The following PDE6C variants were observed in gnomAD, a reference collection of about 807,000 sequenced individuals.
PDE6C encodes phosphodiesterase 6C.
In PDE6C, 75 loss-of-function variants were observed where a neutral mutation model predicts 113.1. The observed-to-expected ratio is 0.66, with a 90% CI of 0.55 to 0.80. The LOEUF (loss-of-function observed/expected upper bound fraction) is 0.80. PDE6C is among the 30% of genes least tolerant of loss of function. PDE6C has a pLI of 0.00. For missense variants in PDE6C, 912 were observed against 1,038.6 expected, an observed-to-expected ratio of 0.88 and a Z score of 1.67; for synonymous variants, 375 against 363.7, an observed-to-expected ratio of 1.03 and a Z score of -0.35.
At chr10:93,661,289 CAGA>C (rs2058664687) in intron 18 of PDE6C, among the ~76,000 whole-genome samples, 1 of 152,230 alleles carries the variant, frequency 6.6e-6, no homozygotes, top group Non-Finnish European at 1.5e-5. Context: ...CCTGCACTCA[CAGA>C]AGCTTTGTAC....
chr10:93,619,647 A>T (rs2058435973), intron 1 of PDE6C, among the ~76,000 whole-genome samples: 1 of 152,130 alleles, frequency 6.6e-6, no homozygotes, highest in South Asian at 2.1e-4. Context: ...GCTGGTCTCG[A>T]ACTCCTAACC....
intron 21 of PDE6C, among the ~76,000 whole-genome samples, chr10:93,664,378 A>T (rs528872645): frequency 6.6e-6 from 1 of 152,286 alleles, no homozygotes; most frequent in South Asian, 2.1e-4. Flanking sequence ...CAATTGAAAA[A>T]TTTTTAAGCT....
chr10:93,657,407 A>G (rs533861238), intron 16 of PDE6C, among the ~76,000 whole-genome samples: 21 of 124,204 alleles, frequency 1.7e-4, no homozygotes, highest in African/African-American at 6.4e-4. Flanking sequence ...TGGTCTCTCT[A>G]TCTCCTGACC....
intron 8 of PDE6C, among the ~76,000 whole-genome samples, chr10:93,633,517 A>G (rs916105358): frequency 2.0e-5 from 3 of 151,308 alleles, no homozygotes; most frequent in African/African-American, 7.3e-5. Context: ...AATCTGTTAC[A>G]CATGGTCCTT....
Position 93,663,098 on chromosome 10 carries a change from A to T in PDE6C, c.2438A>T (p.Lys813Ile). ...SGLQNNRVEW[K>I]SLADEYDAKM... The stretch of plus-strand genomic sequence containing the variant: ...CTTCAGAATAACAGAGTAGAATGGA[A>T]ATCACTAGCTGATGAGTATGATGCA... Residue 813 changes from lysine (K) to isoleucine (I), a missense_variant, in exon 21 of 22, where the codon AAA becomes ATA. Coordinates refer to ENST00000371447, the MANE Select transcript of PDE6C (RefSeq NM_006204.4). 6.2e-7 allele frequency: 1 copy of T among 1,613,576 alleles called. No homozygotes were observed. Among genetic ancestry groups the T allele is most frequent in the Non-Finnish European group, 8.5e-7 (1 of 1,179,688 alleles).
At chr10:93,639,973 T>A in intron 11 of PDE6C, 97 bp from the exon 12 acceptor site, 1 of 1,240,324 alleles carries the variant, frequency 8.1e-7, no homozygotes, top group South Asian at 1.2e-5. Context: ...ATTGTGTTCT[T>A]TTATTGTAAT....
rs1410534427 is a variant in PDE6C, at chr10:93,640,909, TA to T, written c.1738-10del. The T allele has an allele frequency of 7.8e-6, 12 of 1,529,328 alleles. No individual in the cohort carries two copies. The highest frequency in any genetic ancestry group is 1.1e-5 in the Non-Finnish European group (12 of 1,102,814). 94.7% of individuals were successfully genotyped at this position (1,529,328 alleles called of 1,614,324 possible). A position where few individuals can be genotyped will look rare whatever the true frequency, so the allele number is the denominator to read the frequency against. On this transcript the variant is annotated splice_polypyrimidine_tract_variant and intron_variant, in intron 13 of 21. Coordinates refer to ENST00000371447, the MANE Select transcript of PDE6C (RefSeq NM_006204.4). ...AAATTATAGATATGCATATATATGT[TA>T]TTTTTTTAGACAGGAAGATTAAAGA...
At chr10:93,644,786 A>ATATATATATAGTATATATATAG (rs1023987609) in intron 14 of PDE6C, among the ~76,000 whole-genome samples, 1 of 147,008 alleles carries the variant, frequency 6.8e-6, no homozygotes, top group Non-Finnish European at 1.5e-5. Context: ...GCGTGTATAT[A>ATATATATATAGTATATATATAG]TATATATATA....
intron 4 of PDE6C, 73 bp downstream of exon 4, chr10:93,622,145 T>C: frequency 7.3e-7 from 1 of 1,374,988 alleles, no homozygotes; most frequent in Non-Finnish European, 1.0e-6. Context: ...AATGTGATCC[T>C]TAAAAAACAG....
intron 14 of PDE6C, among the ~76,000 whole-genome samples, chr10:93,643,663 T>C (rs1185734123): frequency 6.6e-6 from 1 of 151,618 alleles, no homozygotes; most frequent in Non-Finnish European, 1.5e-5. Context: ...GGTGCTGGGA[T>C]TACAGGCCTG....
chr10:93,635,706 A>C (rs1259958371), intron 10 of PDE6C, 66 bp downstream of exon 10: 3 of 1,518,780 alleles, frequency 2.0e-6, no homozygotes, highest in Admixed American at 3.4e-5. Flanking sequence ...GAAGTCATCT[A>C]ATTACCCAGG....
chr10:93,650,333 A>G (rs959524315), intron 15 of PDE6C, among the ~76,000 whole-genome samples: 2 of 151,934 alleles, frequency 1.3e-5, no homozygotes, highest in Non-Finnish European at 2.9e-5. Context: ...TGCAGCCTCA[A>G]CCTCCTGGGC....
chr10:93,612,929 C>T lies in PDE6C; in HGVS notation c.204C>T (p.Thr68=), dbSNP rs986337181. ...ESALCLELLW[T]VQEEGGTPEQ... ...CCCTGTGCTTGGAGCTGCTGTGGAC[C>T]GTGCAGGAGGAGGGGGGCACCCCAG... is the stretch of plus-strand genomic sequence containing the variant. Residue 68 remains threonine, a synonymous_variant, in exon 1 of 22, where the codon ACC becomes ACT. Coordinates refer to ENST00000371447, the MANE Select transcript of PDE6C (RefSeq NM_006204.4). 21 of 1,613,864 alleles carry T rather than the reference C, an allele frequency of 1.3e-5. No homozygotes were observed. The highest frequency in any genetic ancestry group is 3.3e-4 in the Middle Eastern group (2 of 5,990).
At chr10:93,640,012 G>C (rs2134611115) in intron 11 of PDE6C, 58 bp from the exon 12 acceptor site, 1 of 1,583,002 alleles carries the variant, frequency 6.3e-7, no homozygotes, top group South Asian at 1.1e-5. Flanking sequence ...TTGGCTATGG[G>C]AGTGGAAAGG....
rs774822052 is a variant in PDE6C at position 93,662,131 on chromosome 10, A to G, written c.2281A>G (p.Ile761Val). Reference sequence around the variant, plus strand: ...GAGAACAGTGTTGCAGCAACAACCCATTGTAAGACCTTGACATAAAAATGT... The same window carrying G: ...GAGAACAGTGTTGCAGCAACAACCCGTTGTAAGACCTTGACATAAAAATGT... Reference protein sequence around the residue: ...LERTVLQQQPIPMMDRNKRDE... With the variant: ...LERTVLQQQPVPMMDRNKRDE... Residue 761 changes from isoleucine (I) to valine (V), a missense_variant and splice_region_variant, in exon 19 of 22, where the codon ATT (isoleucine) becomes GTT (valine). Coordinates refer to ENST00000371447, the MANE Select transcript of PDE6C (RefSeq NM_006204.4). 3.1e-6 allele frequency: 5 copies of G among 1,588,378 alleles called. No homozygotes were observed. In the Admixed American group the frequency reaches 5.0e-5, roughly 16 times the overall value.
intron 7 of PDE6C, 59 bp from the exon 8 acceptor site, chr10:93,629,199 G>T: frequency 7.6e-7 from 1 of 1,321,636 alleles, no homozygotes; most frequent in Non-Finnish European, 1.1e-6. Context: ...TCTGCTTTGT[G>T]GATCAAGAGG....
chr10:93,649,998 A>G (rs1036239501), intron 15 of PDE6C, among the ~76,000 whole-genome samples: 1 of 152,170 alleles, frequency 6.6e-6, no homozygotes, highest in Non-Finnish European at 1.5e-5. Context: ...GAACACTTCT[A>G]TCATCCAAGT....
chr10:93,624,481 G>A (rs1224564087), intron 4 of PDE6C, among the ~76,000 whole-genome samples: 6 of 152,250 alleles, frequency 3.9e-5, no homozygotes, highest in South Asian at 4.1e-4. Context: ...CAAGTGATCC[G>A]CTCGCCTTGG....
chr10:93,645,331 T>A (rs1435694767), intron 14 of PDE6C, among the ~76,000 whole-genome samples: 1 of 152,188 alleles, frequency 6.6e-6, no homozygotes, highest in African/African-American at 2.4e-5. Flanking sequence ...TAAATAAAGC[T>A]TCTCTACTAA....
Sources: gnomAD v4.1 joint callset for allele counts (sites outside exome capture counted in the v4.1 genomes callset) on GRCh38, gnomAD v4.1.1 for gene constraint, MANE v1.5 for transcripts, NCBI Gene and HGNC (gene_info 2026-07-23, HGNC 2026-07-21) for gene names.